The following PLA2R1 variants were observed in gnomAD, a reference collection of about 807,000 sequenced individuals.
PLA2R1 encodes secretory phospholipase A2 receptor.
Under a neutral mutation model 195.9 loss-of-function variants are expected in PLA2R1, and 158 were observed. The observed-to-expected ratio is 0.81, with a 90% CI of 0.71 to 0.92. PLA2R1 has a LOEUF of 0.92. Ranked by LOEUF, PLA2R1 falls within the 40% of genes least tolerant of loss-of-function variation. The pLI, the probability that PLA2R1 is intolerant of heterozygous loss-of-function variation, is 0.00. For missense variants in PLA2R1, 1,626 were observed against 1,764.6 expected (o/e 0.92, Z 1.41); for synonymous variants, 586 against 598.2 (o/e 0.98, Z 0.30).
At chr2:160,043,209 A>G (rs1244461272) in intron 2 of PLA2R1, among the ~76,000 whole-genome samples, 1 of 151,954 alleles carries the variant, frequency 6.6e-6, no homozygotes, top group Non-Finnish European at 1.5e-5. Context: ...TTTGAATGGG[A>G]AAGTGACAGG....
chr2:159,996,169 C>T (rs557401852), intron 11 of PLA2R1, among the ~76,000 whole-genome samples: 10 of 152,018 alleles, frequency 6.6e-5, no homozygotes, highest in Non-Finnish European at 1.5e-4. Context: ...ATATCATTTT[C>T]CTTCTCTCTG....
intron 3 of PLA2R1, 38 bp from the exon 4 acceptor site, chr2:160,033,170 T>A: frequency 6.6e-7 from 1 of 1,512,264 alleles, no homozygotes. Flanking sequence ...CAGGTCTTAT[T>A]TTATCTATAC....
At chr2:159,974,274 T>C (rs1425524394) in intron 17 of PLA2R1, among the ~76,000 whole-genome samples, 1 of 152,140 alleles carries the variant, frequency 6.6e-6, no homozygotes, top group Non-Finnish European at 1.5e-5. Flanking sequence ...AATGACTGGA[T>C]AAATAAGATG....
chr2:159,991,433 T>G (rs1690782174), intron 11 of PLA2R1, among the ~76,000 whole-genome samples: 1 of 122,832 alleles, frequency 8.1e-6, no homozygotes, highest in African/African-American at 3.5e-5. Flanking sequence ...GCAGGGCACT[T>G]TCTTTCTTTT....
intron 25 of PLA2R1, 86 bp from the exon 26 acceptor site, chr2:159,947,645 C>A: frequency 8.0e-7 from 1 of 1,254,210 alleles, no homozygotes; most frequent in Non-Finnish European, 1.1e-6. Flanking sequence ...TATAAAAGAT[C>A]AAGATAAATA....
chr2:159,949,269 C>T (rs1225458486), intron 25 of PLA2R1, among the ~76,000 whole-genome samples: 1 of 152,082 alleles, frequency 6.6e-6, no homozygotes, highest in Non-Finnish European at 1.5e-5. Context: ...CATTTTCATC[C>T]AGCTTTTCTC....
At chr2:160,001,605 A>C (rs1398406644) in intron 11 of PLA2R1, among the ~76,000 whole-genome samples, 1 of 152,038 alleles carries the variant, frequency 6.6e-6, no homozygotes. Flanking sequence ...CAAAGTTAGA[A>C]AAAAATTTAA....
chr2:160,028,145 A>C, intron 6 of PLA2R1, 73 bp downstream of exon 6: 2 of 1,012,602 alleles, frequency 2.0e-6, no homozygotes, highest in Admixed American at 5.2e-5. Flanking sequence ...ATTAGCAAAA[A>C]ATAGAGAAAT....
rs746019627 is a variant in PLA2R1, at chr2:160,005,636, A to T, written c.1834+16T>A. 1 of 1,606,466 alleles carries T rather than the reference A, an allele frequency of 6.2e-7. No individual in the cohort carries two copies. Among genetic ancestry groups the T allele is most frequent in the African/African-American group, 1.3e-5 (1 of 74,786 alleles). ...AGAAAACAGGGAGGGTTGGTGATGCAGCACACTCTACTCACGCGGCTGGTG... is the reference window on the plus strand; with the variant it reads ...AGAAAACAGGGAGGGTTGGTGATGCTGCACACTCTACTCACGCGGCTGGTG... On this transcript the variant is annotated intron_variant, in intron 11 of 29. Transcript: ENST00000283243.
chr2:160,028,354 A>C lies in PLA2R1; in HGVS notation c.963T>G (p.Asn321Lys). ...LNYLNWSPEVNFEPFVEDHCG... is the reference protein window; with the variant it reads ...LNYLNWSPEVKFEPFVEDHCG... ...AGTGATCTTCAACAAATGGCTCAAA[A>C]TTTACCTCTGAAAATACAATGAGTG... Residue 321 changes from asparagine (N) to lysine (K), a missense_variant, in exon 6 of 30, where the codon AAT becomes AAG. Coordinates refer to ENST00000283243, the MANE Select transcript of PLA2R1 (RefSeq NM_007366.5). 1 of 1,606,080 alleles carries C rather than the reference A, an allele frequency of 6.2e-7. No homozygotes were observed. Among genetic ancestry groups the C allele is most frequent in the Non-Finnish European group, 8.5e-7 (1 of 1,174,410 alleles).
chr2:160,037,699 T>C (rs1949108), intron 3 of PLA2R1, among the ~76,000 whole-genome samples: 81,166 of 151,958 alleles, frequency 0.53, 23,397 homozygotes, highest in Non-Finnish European at 0.66. Context: ...CACATGTCTG[T>C]ATCATGCATC....
chr2:159,929,403 C>T (rs543740884), downstream of PLA2R1, among the ~76,000 whole-genome samples: 38 of 152,188 alleles, frequency 2.5e-4, 2 homozygotes, highest in South Asian at 6.8e-3. Flanking sequence ...AAAAAATGCT[C>T]GACATCACTG....
chr2:159,979,674 G>C (rs1348818005), intron 14 of PLA2R1, among the ~76,000 whole-genome samples, 156 bp downstream of exon 14: 1 of 152,098 alleles, frequency 6.6e-6, no homozygotes, highest in Admixed American at 6.6e-5. Flanking sequence ...GATTTCTCAG[G>C]ACCTTGCCAA....
At chr2:159,991,727 T>C in intron 11 of PLA2R1, among the ~76,000 whole-genome samples, 1 of 144,020 alleles carries the variant, frequency 6.9e-6, no homozygotes. Context: ...GGTTTTTTGT[T>C]CTTGCGATAG....
chr2:159,939,881 A>G lies in PLA2R1; in HGVS notation c.*1897T>C, dbSNP rs1369567606. The G allele has an allele frequency of 6.6e-6, 1 of 152,216 alleles. No homozygotes were observed. The highest frequency in any genetic ancestry group is 1.5e-5 in the Non-Finnish European group (1 of 68,038). 9.4% of individuals were successfully genotyped at this position (152,216 alleles called of 1,614,324 possible). A position where few individuals can be genotyped will look rare whatever the true frequency, so the allele number is the denominator to read the frequency against. On this transcript the variant is annotated 3_prime_UTR_variant, in exon 30 of 30. Transcript: ENST00000283243. ...TTATACCATCTGGTGAGTTCAAGCC[A>G]ATTATTTTTTGAGTCATAAATATGC...
At chr2:160,018,212 TA>T (rs11436531) in intron 8 of PLA2R1, among the ~76,000 whole-genome samples, 1 of 151,452 alleles carries the variant, frequency 6.6e-6, no homozygotes, top group African/African-American at 2.4e-5. Context: ...ATCAATCTCT[TA>T]AAAAAAAATC....
Position 159,938,842 on chromosome 2 carries a change from T to C in PLA2R1, c.*2936A>G, listed in dbSNP as rs529467753. On this transcript the variant is annotated 3_prime_UTR_variant, in exon 30 of 30. Coordinates refer to ENST00000283243, the MANE Select transcript of PLA2R1 (RefSeq NM_007366.5). Reference sequence around the variant, plus strand: ...TAAGTAAACATTCAGTTCAATCTTATCTTTAATAAGGAGTGGACCCTTCAA... The same window carrying C: ...TAAGTAAACATTCAGTTCAATCTTACCTTTAATAAGGAGTGGACCCTTCAA... 1 of 152,288 alleles carries C rather than the reference T, an allele frequency of 6.6e-6. No homozygotes were observed. Among genetic ancestry groups the C allele is most frequent in the African/African-American group, 2.4e-5 (1 of 41,556 alleles). The allele number at this position is 152,288 out of a possible 1,614,324, so 9.4% of individuals were successfully genotyped here. A position where few individuals can be genotyped will look rare whatever the true frequency, so the allele number is the denominator to read the frequency against.
In PLA2R1 at chr2:160,033,277, T is replaced by C. The variant is rs142705012; in HGVS notation, c.668-145A>G. 1.6e-3 allele frequency: 882 copies of C among 566,040 alleles called. 6 individuals are homozygous for C. In the Middle Eastern group the frequency reaches 0.037, roughly 24 times the overall value. The allele number at this position is 566,040 out of a possible 1,614,324, so 35.1% of individuals were successfully genotyped here. A position where few individuals can be genotyped will look rare whatever the true frequency, so the allele number is the denominator to read the frequency against. ...TCTATTCTTGATTAGGTCTTTATGA[T>C]AAAATCTGCATTGTTATTCCATTGC... On this transcript the variant is annotated intron_variant, in intron 3 of 29. Coordinates refer to ENST00000283243, the MANE Select transcript of PLA2R1 (RefSeq NM_007366.5).
intron 12 of PLA2R1, among the ~76,000 whole-genome samples, chr2:159,986,056 T>A (rs149725543): frequency 2.0e-3 from 299 of 152,194 alleles, no homozygotes; most frequent in African/African-American, 7.0e-3. Context: ...CAAGATTCCA[T>A]CTTCCTGGGG....
Sources: allele counts gnomAD v4.1 joint callset (sites outside exome capture counted in the v4.1 genomes callset), GRCh38; gene constraint gnomAD v4.1.1; transcripts MANE v1.5; gene names NCBI Gene and HGNC (gene_info 2026-07-23, HGNC 2026-07-21).